The following TP53BP2 variants were observed in gnomAD, a reference collection of about 807,000 sequenced individuals.
TP53BP2 encodes the protein apoptosis-stimulating of p53 protein 2.
In TP53BP2, 62 loss-of-function variants were observed where a neutral mutation model predicts 126.2. The ratio of observed to expected loss-of-function variants is 0.49; its 90% confidence interval spans 0.40 to 0.61. The LOEUF is 0.61. Among genes scored for constraint, TP53BP2 ranks in the 20% least tolerant of loss-of-function variants. The pLI is 0.00. For synonymous variants in TP53BP2, 485 were observed against 502.9 expected, an observed-to-expected ratio of 0.96 and a Z score of 0.48; for missense variants, 1,215 against 1,402.8, an observed-to-expected ratio of 0.87 and a Z score of 2.14.
intron 1 of TP53BP2, among the ~76,000 whole-genome samples, chr1:223,829,135 C>T (rs1438316724): frequency 6.6e-6 from 1 of 151,974 alleles, no homozygotes; most frequent in African/African-American, 2.4e-5. Context: ...GAGAGCAGAC[C>T]ATCCGGGGCA....
At chr1:223,825,029 A>ACACACT (rs935155131) in intron 1 of TP53BP2, among the ~76,000 whole-genome samples, 3 of 130,872 alleles carry the variant, frequency 2.3e-5, no homozygotes, top group African/African-American at 7.6e-5. Context: ...AACACCAAAC[A>ACACACT]CACACACACA....
chr1:223,815,645 G>C (rs1663059761), intron 2 of TP53BP2, among the ~76,000 whole-genome samples: 1 of 152,190 alleles, frequency 6.6e-6, no homozygotes, highest in Admixed American at 6.5e-5. Flanking sequence ...AAAAGATCAG[G>C]CATAGGCCTG....
At chr1:223,821,478 C>T (rs1663307491) in intron 1 of TP53BP2, 111 bp from the exon 2 acceptor site, 2 of 1,431,694 alleles carry the variant, frequency 1.4e-6, no homozygotes, top group East Asian at 2.3e-5. Context: ...AAACGTACAA[C>T]AGAACAGTCT....
chr1:223,819,731 C>T (rs919662094), intron 2 of TP53BP2, among the ~76,000 whole-genome samples: 2 of 151,886 alleles, frequency 1.3e-5, no homozygotes, highest in African/African-American at 4.8e-5. Flanking sequence ...TGGATGGTTT[C>T]AATTATCTCA....
chr1:223,804,392 A>T (rs370169061), intron 5 of TP53BP2, 44 bp from the exon 6 acceptor site: 106 of 1,576,486 alleles, frequency 6.7e-5, no homozygotes, highest in Non-Finnish European at 9.1e-5. Flanking sequence ...TTAGGTAAGT[A>T]CACCACTAAG....
chr1:223,798,153 G>C, intron 12 of TP53BP2, 62 bp downstream of exon 12: 2 of 1,483,696 alleles, frequency 1.3e-6, no homozygotes. Context: ...TGTCTGCTGA[G>C]GGATGGCTTA....
chr1:223,780,932 G>C (rs753117096), intron 17 of TP53BP2, 38 bp from the exon 18 acceptor site: 12 of 1,570,372 alleles, frequency 7.6e-6, no homozygotes, highest in African/African-American at 1.4e-5. Flanking sequence ...TACTATAATA[G>C]ATGTGTGGGA....
rs914921250 is a variant in TP53BP2, at chr1:223,845,785, AGGCGGCGGC to A, written c.-114_-106del. The A allele has an allele frequency of 4.3e-6, 5 of 1,149,946 alleles. No individual in the cohort carries two copies. Among genetic ancestry groups the A allele is most frequent in the East Asian group, 3.5e-5 (1 of 28,508 alleles). 71.2% of individuals were successfully genotyped at this position (1,149,946 alleles called of 1,614,324 possible). ...AGCGAGGCCGCCCGGACCTGTTGCG[AGGCGGCGGC>A]GGCGGCAGCGGCGGCGCGCGGGTCC... On this transcript the variant is annotated 5_prime_UTR_variant, in exon 1 of 18. Coordinates refer to ENST00000343537, the MANE Select transcript of TP53BP2 (RefSeq NM_001031685.3).
At chr1:223,817,651 T>C (rs7543815) in intron 2 of TP53BP2, among the ~76,000 whole-genome samples, 78,731 of 152,032 alleles carry the variant, frequency 0.52, 22,548 homozygotes, top group African/African-American at 0.78. Context: ...TTAAAAATAA[T>C]GTGGTGGCTC....
chr1:223,792,341 C>T, intron 15 of TP53BP2, 48 bp downstream of exon 15: 1 of 1,558,372 alleles, frequency 6.4e-7, no homozygotes, highest in Non-Finnish European at 8.7e-7. Context: ...TGCTTATAAA[C>T]CGATTCCCAC....
chr1:223,790,781 T>G (rs925976175), intron 15 of TP53BP2, among the ~76,000 whole-genome samples: 4 of 151,966 alleles, frequency 2.6e-5, no homozygotes, highest in Non-Finnish European at 5.9e-5. Context: ...TTTTTAAAAA[T>G]TTTTTATAGA....
intron 1 of TP53BP2, among the ~76,000 whole-genome samples, chr1:223,822,437 G>A (rs1180680762): frequency 6.6e-6 from 1 of 152,082 alleles, no homozygotes; most frequent in African/African-American, 2.4e-5. Context: ...AGGCCAAGGC[G>A]GGAAGATCAT....
At chr1:223,783,186 C>T (rs1015666829) in intron 17 of TP53BP2, among the ~76,000 whole-genome samples, 1 of 152,206 alleles carries the variant, frequency 6.6e-6, no homozygotes, top group African/African-American at 2.4e-5. Flanking sequence ...ATACATCTAC[C>T]ATTTGCTCTC....
Position 223,821,346 on chromosome 1 carries a change from T to C in TP53BP2, c.49A>G (p.Ser17Gly). 1 of 1,614,076 alleles carries C rather than the reference T, an allele frequency of 6.2e-7. No homozygotes were observed. Among genetic ancestry groups the C allele is most frequent in the Non-Finnish European group, 8.5e-7 (1 of 1,179,894 alleles). The stretch of plus-strand genomic sequence containing the variant: ...TCTGTGAAGTGCTGCTCATTGTTAC[T>C]GAGATACACGGTAAGAAACATCTAA... ...MMPMFLTVYL[S>G]NNEQHFTEVP... Residue 17 changes from serine (S) to glycine (G), a missense_variant, in exon 2 of 18, where the codon AGT becomes GGT. Transcript: ENST00000343537.
chr1:223,799,171 G>C (rs1338404142), intron 11 of TP53BP2, among the ~76,000 whole-genome samples: 1 of 151,918 alleles, frequency 6.6e-6, no homozygotes, highest in Non-Finnish European at 1.5e-5. Flanking sequence ...GTCTCGTTTT[G>C]TTGCCCAGGC....
chr1:223,816,357 C>T (rs1478965279), intron 2 of TP53BP2, among the ~76,000 whole-genome samples: 1 of 151,900 alleles, frequency 6.6e-6, no homozygotes, highest in Non-Finnish European at 1.5e-5. Flanking sequence ...AGGCTAAACA[C>T]TTAGAGAATT....
rs781150076 is a variant in TP53BP2 at position 223,802,828 on chromosome 1, C to T, written c.899G>A (p.Arg300His). ...ATCCATGACTGCCACTTCTGAATTA[C>T]GCTTATTCAAACACTCCCTCTGTTG... ...LQQQRECLNK[R>H]NSEVAVMDKR... Residue 300 changes from arginine to histidine, a missense_variant, in exon 8 of 18, where the codon CGT becomes CAT. Coordinates refer to ENST00000343537, the MANE Select transcript of TP53BP2 (RefSeq NM_001031685.3). The T allele has an allele frequency of 9.3e-6, 15 of 1,613,996 alleles. No individual in the cohort carries two copies. The highest frequency in any genetic ancestry group is 1.6e-4 in the Middle Eastern group (1 of 6,084).
Position 223,812,183 on chromosome 1 carries a change from C to A in TP53BP2, c.290-1670G>T, listed in dbSNP as rs929936833. Reference sequence around the variant, plus strand: ...TAGCTTGGCTGAGGTGATTCAGGTTCCACTCCTGGCTCTGCCTCTAGGTGT... The same window carrying A: ...TAGCTTGGCTGAGGTGATTCAGGTTACACTCCTGGCTCTGCCTCTAGGTGT... On this transcript the variant is annotated intron_variant, in intron 3 of 17. Coordinates refer to ENST00000343537, the MANE Select transcript of TP53BP2 (RefSeq NM_001031685.3). 2.6e-5 allele frequency among the ~76,000 whole-genome samples: 4 copies of A among 152,238 alleles called. 1 individual carries two copies. In the East Asian group the frequency reaches 7.7e-4, roughly 29 times the overall value.
At chr1:223,818,859 G>A (rs563107808) in intron 2 of TP53BP2, among the ~76,000 whole-genome samples, 12 of 151,514 alleles carry the variant, frequency 7.9e-5, no homozygotes, top group South Asian at 2.1e-4. Flanking sequence ...GATTATAGGC[G>A]TCAGCCACCG....
Sources: gnomAD v4.1 joint callset for allele counts (sites outside exome capture counted in the v4.1 genomes callset) on GRCh38, gnomAD v4.1.1 for gene constraint, MANE v1.5 for transcripts, NCBI Gene and HGNC (gene_info 2026-07-23, HGNC 2026-07-21) for gene names.